FOCAD: variants seen among roughly 807,000 people sequenced by gnomAD.
FOCAD encodes KIAA1797.
In FOCAD, 198 loss-of-function variants were observed where a neutral mutation model predicts 225.6. The ratio of observed to expected loss-of-function variants is 0.88; its 90% confidence interval spans 0.78 to 0.99. The LOEUF (loss-of-function observed/expected upper bound fraction) is 0.99. Ranked by LOEUF, FOCAD falls within the 50% of genes least tolerant of loss-of-function variation. The pLI, the probability that FOCAD is intolerant of heterozygous loss-of-function variation, is 0.00. For synonymous variants in FOCAD, 897 were observed against 755.0 expected (o/e 1.19, Z -3.08); for missense variants, 2,713 against 2,123.6 (o/e 1.28, Z -5.46).
At chr9:20,730,157 C>T (rs565198510) in intron 4 of FOCAD, among the ~76,000 whole-genome samples, 2 of 152,202 alleles carry the variant, frequency 1.3e-5, no homozygotes, top group South Asian at 4.2e-4. Context: ...GGATTGTGTT[C>T]TTTTCTCAGG....
At chr9:20,871,290 TTGG>T (rs1294009973) in intron 18 of FOCAD, among the ~76,000 whole-genome samples, 1 of 152,140 alleles carries the variant, frequency 6.6e-6, no homozygotes, top group Non-Finnish European at 1.5e-5. Context: ...GTCGTTTTTG[TTGG>T]TGGGGTGTGT....
At chr9:20,667,886 A>G (rs913173925) in intron 2 of FOCAD, among the ~76,000 whole-genome samples, 1 of 152,210 alleles carries the variant, frequency 6.6e-6, no homozygotes, top group Non-Finnish European at 1.5e-5. Context: ...CATCAAAAAG[A>G]TCATTCTGGT....
chr9:20,981,969 G>C (rs1840738577), intron 38 of FOCAD, among the ~76,000 whole-genome samples: 1 of 152,132 alleles, frequency 6.6e-6, no homozygotes, highest in African/African-American at 2.4e-5. Context: ...AGACGAGAAG[G>C]CTCAGAAGTC....
At chr9:20,923,535 A>C (rs1357078398) in intron 24 of FOCAD, 125 bp from the exon 25 acceptor site, 4 of 639,734 alleles carry the variant, frequency 6.3e-6, no homozygotes, top group Non-Finnish European at 1.1e-5. Context: ...ACAGACCTGC[A>C]TTTACAAGAC....
At chr9:20,780,260 G>C (rs1023213888) in intron 9 of FOCAD, among the ~76,000 whole-genome samples, 2 of 152,112 alleles carry the variant, frequency 1.3e-5, no homozygotes, top group African/African-American at 4.8e-5. Context: ...TGTCTCTGTA[G>C]ATTTGCCTTT....
At chr9:20,660,911 G>T (rs1167139587) in intron 2 of FOCAD, among the ~76,000 whole-genome samples, 1 of 152,072 alleles carries the variant, frequency 6.6e-6, no homozygotes, top group Admixed American at 6.6e-5. Flanking sequence ...AGAGCAATTT[G>T]GGCAAAAATT....
chr9:20,862,621 T>C lies in FOCAD; in HGVS notation c.1964T>C (p.Leu655Pro). ...RSTWNALSPKLSCDTRPLILK... is the reference protein window; with the variant it reads ...RSTWNALSPKPSCDTRPLILK... Reference sequence around the variant, plus strand: ...ACTTGGAATGCTCTCTCTCCAAAGCTGAGTTGTGACACAAGACCTCTCATT... The same window carrying C: ...ACTTGGAATGCTCTCTCTCCAAAGCCGAGTTGTGACACAAGACCTCTCATT... Residue 655 changes from leucine to proline, a missense_variant, in exon 16 of 44, where the codon CTG (leucine) becomes CCG (proline). Leu to Pro is a moderately conservative substitution (Grantham distance 98, BLOSUM62 -3). Transcript: ENST00000338382. 6.2e-7 allele frequency: 1 copy of C among 1,613,648 alleles called. No homozygotes were observed. The highest frequency in any genetic ancestry group is 1.1e-5 in the South Asian group (1 of 91,022).
intron 15 of FOCAD, among the ~76,000 whole-genome samples, chr9:20,840,403 A>T (rs1336114558): frequency 1.3e-5 from 2 of 148,798 alleles, no homozygotes; most frequent in Non-Finnish European, 3.0e-5. Flanking sequence ...GTTTATATTT[A>T]GGTATTTTAT....
At chr9:20,900,732 A>G (rs1286821911) in intron 21 of FOCAD, among the ~76,000 whole-genome samples, 1 of 151,848 alleles carries the variant, frequency 6.6e-6, no homozygotes, top group Non-Finnish European at 1.5e-5. Context: ...TATTTTAGAT[A>G]CTCCATAATT....
chr9:20,702,637 A>G lies in FOCAD; in HGVS notation c.-32-12685A>G, dbSNP rs760310932. Among the ~76,000 whole-genome samples the G allele has an allele frequency of 3.9e-5, 6 of 152,224 alleles. No individual in the cohort carries two copies. The East Asian group carries it at 5.8e-4, about 15-fold the overall frequency. Reference sequence around the variant, plus strand: ...GAATATCGAGTGAGAGAATACGTATAAAAAGCTTTGACAGTACCTGCCTGG... The same window carrying G: ...GAATATCGAGTGAGAGAATACGTATGAAAAGCTTTGACAGTACCTGCCTGG... On this transcript the variant is annotated intron_variant, in intron 1 of 43. Transcript: ENST00000338382.
At chr9:20,799,204 C>G (rs745952099) in intron 11 of FOCAD, among the ~76,000 whole-genome samples, 1 of 152,284 alleles carries the variant, frequency 6.6e-6, no homozygotes, top group Middle Eastern at 3.4e-3. Flanking sequence ...GCACTGTGGT[C>G]TGAGCGACAG....
intron 35 of FOCAD, among the ~76,000 whole-genome samples, chr9:20,970,677 A>T (rs1228129923): frequency 6.6e-6 from 1 of 152,094 alleles, no homozygotes; most frequent in Non-Finnish European, 1.5e-5. Context: ...AGTAAGTCCA[A>T]TGTCTTTACC....
At chr9:20,734,642 A>G (rs1320693143) in intron 4 of FOCAD, among the ~76,000 whole-genome samples, 3 of 151,306 alleles carry the variant, frequency 2.0e-5, no homozygotes, top group Admixed American at 6.6e-5. Context: ...ACAGTATAAT[A>G]TTGTCTTTTT....
chr9:20,880,929 T>C (rs1467101588), intron 19 of FOCAD, among the ~76,000 whole-genome samples: 1 of 152,196 alleles, frequency 6.6e-6, no homozygotes, highest in East Asian at 1.9e-4. Context: ...AAAATCACAT[T>C]TGAATATGAA....
rs1836185520 is a variant in FOCAD, at chr9:20,938,077, A to G, written c.3407+4974A>G. Among the ~76,000 whole-genome samples the G allele has an allele frequency of 4.6e-5, 7 of 152,234 alleles. No individual in the cohort carries two copies. The South Asian group carries it at 1.5e-3, about 32-fold the overall frequency. ...ATGGCAATCATTAAAAAGTCAGGAAACAACAGGTGCTAGAGAGGATGTGGA... is the reference window on the plus strand; with the variant it reads ...ATGGCAATCATTAAAAAGTCAGGAAGCAACAGGTGCTAGAGAGGATGTGGA... On this transcript the variant is annotated intron_variant, in intron 28 of 43. Coordinates refer to ENST00000338382, the MANE Select transcript of FOCAD (RefSeq NM_001375567.1).
At chr9:20,668,858 T>C (rs1005733374) in intron 2 of FOCAD, among the ~76,000 whole-genome samples, 4 of 151,848 alleles carry the variant, frequency 2.6e-5, no homozygotes, top group African/African-American at 9.7e-5. Flanking sequence ...GGAGTGGTGA[T>C]CACACCAGAC....
chr9:20,787,331 G>C (rs954325568), intron 10 of FOCAD, among the ~76,000 whole-genome samples: 1 of 152,106 alleles, frequency 6.6e-6, no homozygotes, highest in Non-Finnish European at 1.5e-5. Flanking sequence ...CACTGTGCTA[G>C]GTGTTTTATA....
At chr9:20,770,349 A>T (rs1220138203) in intron 8 of FOCAD, 111 bp downstream of exon 8, 10 of 980,200 alleles carry the variant, frequency 1.0e-5, no homozygotes, top group Non-Finnish European at 1.5e-5. Context: ...GGCAGGCTGT[A>T]CAGGATGCAT....
intron 26 of FOCAD, among the ~76,000 whole-genome samples, chr9:20,928,454 G>T (rs993850103): frequency 6.6e-6 from 1 of 152,176 alleles, no homozygotes; most frequent in African/African-American, 2.4e-5. Flanking sequence ...TGCTTTAACT[G>T]CAAGGGACAA....
Sources: allele counts gnomAD v4.1 joint callset (sites outside exome capture counted in the v4.1 genomes callset), GRCh38; gene constraint gnomAD v4.1.1; transcripts MANE v1.5; gene names NCBI Gene and HGNC (gene_info 2026-07-23, HGNC 2026-07-21).